The following OR5H15 variants were observed in gnomAD, a reference collection of about 807,000 sequenced individuals.
The protein encoded by OR5H15 is olfactory receptor 5H15.
For synonymous variants in OR5H15, 153 were observed against 129.1 expected (o/e 1.19, Z -1.26); for missense variants, 405 against 366.1 (o/e 1.11, Z -0.87).
rs568812876 is a variant in OR5H15 at position 98,169,744 on chromosome 3, C to A, written c.*103C>A. On this transcript the variant is annotated 3_prime_UTR_variant, in exon 2 of 2. Transcript: ENST00000641450. Reference sequence around the variant, plus strand: ...ATTTTTGCAAGTATAACTGTCCTAGCACTTTAATGACCTAACATTTTAGTA... The same window carrying A: ...ATTTTTGCAAGTATAACTGTCCTAGAACTTTAATGACCTAACATTTTAGTA... 7 of 800,864 alleles carry A rather than the reference C, an allele frequency of 8.7e-6. No individual in the cohort carries two copies. The highest frequency in any genetic ancestry group is 2.0e-5 in the Admixed American group (1 of 49,930). The allele number at this position is 800,864 out of a possible 1,614,324, so 49.6% of individuals were successfully genotyped here.
In OR5H15 at chr3:98,169,459, C is replaced by A. The variant is rs149947733; in HGVS notation, c.760C>A (p.Pro254Thr). Reference protein sequence around the residue: ...HLFSVCLYYGPLLLMYVGPAS... With the variant: ...HLFSVCLYYGTLLLMYVGPAS... ...CTTCTCTGTCTGTTTATACTATGGCCCCCTTCTCTTAATGTATGTGGGCCC... is the reference window on the plus strand; with the variant it reads ...CTTCTCTGTCTGTTTATACTATGGCACCCTTCTCTTAATGTATGTGGGCCC... The change falls in exon 2 of 2, where the codon CCC (proline) becomes ACC (threonine). Residue 254 changes from proline (P) to threonine (T), a missense_variant. Coordinates refer to ENST00000641450, the MANE Select transcript of OR5H15 (RefSeq NM_001005515.2). 2,136 of 1,613,116 alleles carry A rather than the reference C, an allele frequency of 1.3e-3. 9 individuals are homozygous for A. Among genetic ancestry groups the A allele is most frequent in the Non-Finnish European group, 9.0e-4 (1,067 of 1,179,674 alleles).
In OR5H15 at chr3:98,169,383, G is replaced by C. The variant is rs759043060; in HGVS notation, c.684G>C (p.Lys228Asn). Residue 228 changes from lysine to asparagine, a missense_variant, in exon 2 of 2, where the codon AAG becomes AAC. Physicochemically the swap from Lys to Asn is moderately conservative, Grantham distance 94. Coordinates refer to ENST00000641450, the MANE Select transcript of OR5H15 (RefSeq NM_001005515.2). The part of the protein sequence containing the change: ...YTFVLFTVLE[K>N]KSDKGVRKAF... ...TTGTTCTCTTCACAGTCTTAGAAAA[G>C]AAATCTGATAAGGGTGTAAGGAAAG... 8.1e-6 allele frequency: 13 copies of C among 1,613,282 alleles called. No individual in the cohort carries two copies. Among genetic ancestry groups the C allele is most frequent in the Non-Finnish European group, 1.0e-5 (12 of 1,179,630 alleles).
At chr3:98,167,940 A>T (rs1255292980) in intron 1 of OR5H15, among the ~76,000 whole-genome samples, 1 of 152,040 alleles carries the variant, frequency 6.6e-6, no homozygotes, top group Non-Finnish European at 1.5e-5. Flanking sequence ...ATTCCTTAGA[A>T]TCTATTTATT....
At position 98,168,617 on chromosome 3, in the gene OR5H15, T is replaced by G. The variant is rs574032968; in HGVS notation, c.-18-65T>G. On this transcript the variant is annotated intron_variant, in intron 1 of 1. Transcript: ENST00000641450. The stretch of plus-strand genomic sequence containing the variant: ...ATTTTAGGGTTTATTTCAACATCTC[T>G]TCCCCAATTTCAACTCATAATGTCA... 3.2e-6 allele frequency: 5 copies of G among 1,547,614 alleles called. No homozygotes were observed. The Admixed American group carries it at 5.5e-5, about 17-fold the overall frequency.
At chr3:98,168,443 G>C (rs1261561257) in intron 1 of OR5H15, among the ~76,000 whole-genome samples, 3 of 151,986 alleles carry the variant, frequency 2.0e-5, no homozygotes, top group Non-Finnish European at 2.9e-5. Context: ...TATAAATGTA[G>C]TGTATACAGA....
In OR5H15 at chr3:98,168,086, C is replaced by T. The variant is rs79237346; in HGVS notation, c.-18-596C>T. 2.2e-3 allele frequency among the ~76,000 whole-genome samples: 329 copies of T among 152,118 alleles called. 6 individuals are homozygous for T. The East Asian group carries it at 0.056, about 26-fold the overall frequency. ...AAATAATTTCTACATTGAAAGCTCA[C>T]AACCTATATTTTTCATGAACACTCT... On this transcript the variant is annotated intron_variant, in intron 1 of 1. Coordinates refer to ENST00000641450, the MANE Select transcript of OR5H15 (RefSeq NM_001005515.2).
In OR5H15 at chr3:98,169,030, G is replaced by T. The variant is rs149765840; in HGVS notation, c.331G>T (p.Glu111Ter). 4 of 1,613,638 alleles carry T rather than the reference G, an allele frequency of 2.5e-6. No individual in the cohort carries two copies. In the African/African-American group the frequency reaches 4.0e-5, roughly 16 times the overall value. Residue 111 changes from glutamate (E) to a stop codon, truncating the protein, a stop_gained, in exon 2 of 2, where the codon GAA becomes TAA. Coordinates refer to ENST00000641450, the MANE Select transcript of OR5H15 (RefSeq NM_001005515.2). LOFTEE classifies it low-confidence loss of function (END_TRUNC). ...TTCCATTGCAATTGGCGTAACCACA[G>T]AATGTTTTCTCTTGGCAACAATGGC... The part of the protein sequence containing the change: ...FFSIAIGVTT[E>*]CFLLATMAYD...
intron 1 of OR5H15, 84 bp from the exon 2 acceptor site, chr3:98,168,598 G>A (rs1708753194): frequency 1.4e-5 from 21 of 1,454,320 alleles, no homozygotes; most frequent in Non-Finnish European, 1.9e-5. Context: ...GATCATTTTA[G>A]GGTTTATTTC....
At chr3:98,167,233 C>T (rs1011446228) in intron 1 of OR5H15, among the ~76,000 whole-genome samples, 2 of 152,118 alleles carry the variant, frequency 1.3e-5, no homozygotes, top group African/African-American at 2.4e-5. Context: ...CAGTCACTTA[C>T]ATATGAACTC....
At position 98,169,545 on chromosome 3, in the gene OR5H15, T is replaced by A; in HGVS notation, c.846T>A (p.Ile282=). 6.2e-7 allele frequency: 1 copy of A among 1,612,906 alleles called. No individual in the cohort carries two copies. Among genetic ancestry groups the A allele is most frequent in the South Asian group, 1.1e-5 (1 of 91,044 alleles). The part of the protein sequence containing the change: ...MVEPLFYTVI[I]PLLNPIIYSL... ...AGCCTCTATTCTACACTGTCATCATTCCTTTGTTAAATCCTATCATCTACA... is the reference window on the plus strand; with the variant it reads ...AGCCTCTATTCTACACTGTCATCATACCTTTGTTAAATCCTATCATCTACA... Residue 282 remains isoleucine (I), a synonymous_variant, in exon 2 of 2, where the codon ATT becomes ATA. Transcript: ENST00000641450.
At position 98,169,416 on chromosome 3, in the gene OR5H15, C is replaced by G. The variant is rs371415773; in HGVS notation, c.717C>G (p.Ser239=). Residue 239 remains serine, a synonymous_variant, in exon 2 of 2, where the codon TCC becomes TCG. Coordinates refer to ENST00000641450, the MANE Select transcript of OR5H15 (RefSeq NM_001005515.2). ...KSDKGVRKAF[S]TCGAHLFSVC... is the part of the protein sequence containing the mutation. Reference sequence around the variant, plus strand: ...ATAAGGGTGTAAGGAAAGCCTTTTCCACCTGTGGAGCCCATCTCTTCTCTG... The same window carrying G: ...ATAAGGGTGTAAGGAAAGCCTTTTCGACCTGTGGAGCCCATCTCTTCTCTG... 8 of 1,613,554 alleles carry G rather than the reference C, an allele frequency of 5.0e-6. No individual in the cohort carries two copies. The South Asian group carries it at 8.8e-5, about 18-fold the overall frequency.
chr3:98,167,658 A>G (rs78008643), intron 1 of OR5H15, among the ~76,000 whole-genome samples: 4,489 of 152,022 alleles, frequency 0.03, 213 homozygotes, highest in African/African-American at 0.097. Flanking sequence ...TTGTTTCTTC[A>G]TTACTCTCCA....
chr3:98,167,917 C>G (rs1708741917), intron 1 of OR5H15, among the ~76,000 whole-genome samples: 1 of 152,094 alleles, frequency 6.6e-6, no homozygotes, highest in Non-Finnish European at 1.5e-5. Context: ...ATACTAGAGA[C>G]TCTACATTCT....
In OR5H15 at chr3:98,168,025, T is replaced by C. The variant is rs200099804; in HGVS notation, c.-18-657T>C. Among the ~76,000 whole-genome samples, 8 of 152,164 alleles carry C rather than the reference T, an allele frequency of 5.3e-5. No individual in the cohort carries two copies. The East Asian group carries it at 1.5e-3, about 29-fold the overall frequency. On this transcript the variant is annotated intron_variant, in intron 1 of 1. Transcript: ENST00000641450. ...ACATGCATTTGAATCACCTGGAGGG[T>C]ATTTTCAAAATGCAGATCCCTAGAC...
chr3:98,167,679 C>A (rs1436909669), intron 1 of OR5H15, among the ~76,000 whole-genome samples: 1 of 152,020 alleles, frequency 6.6e-6, no homozygotes, highest in Non-Finnish European at 1.5e-5. Context: ...ATGGATAGAT[C>A]ATTTTTAACT....
rs370153970 is a variant in OR5H15 at position 98,168,756 on chromosome 3, T to C, written c.57T>C (p.Tyr19=). The C allele has an allele frequency of 8.7e-6, 14 of 1,613,328 alleles. No individual in the cohort carries two copies. Among genetic ancestry groups the C allele is most frequent in the Non-Finnish European group, 1.2e-5 (14 of 1,179,534 alleles). The stretch of plus-strand genomic sequence containing the variant: ...AGTTTGTTCTCACAGGATTTTTATA[T>C]CAACCACAGTGGAAAATACCCCTGT... ...LTEFVLTGFL[Y]QPQWKIPLFL... is the part of the protein sequence containing the mutation. The change falls in exon 2 of 2, where the codon TAT becomes TAC. Residue 19 remains tyrosine, a synonymous_variant. Transcript: ENST00000641450.
In OR5H15 at chr3:98,169,457, GCCC is replaced by G. The variant is rs764763968; in HGVS notation, c.761_763del (p.Pro254del). 1 of 1,613,200 alleles carries G rather than the reference GCCC, an allele frequency of 6.2e-7. No homozygotes were observed. Among genetic ancestry groups the G allele is most frequent in the Non-Finnish European group, 8.5e-7 (1 of 1,179,670 alleles). On this transcript the variant is annotated inframe_deletion, in exon 2 of 2. Coordinates refer to ENST00000641450, the MANE Select transcript of OR5H15 (RefSeq NM_001005515.2). ...CTCTTCTCTGTCTGTTTATACTATGGCCCCCTTCTCTTAATGTATGTGGGCCCT... is the reference window on the plus strand; with the variant it reads ...CTCTTCTCTGTCTGTTTATACTATGGCCTTCTCTTAATGTATGTGGGCCCT...
intron 1 of OR5H15, among the ~76,000 whole-genome samples, chr3:98,167,035 T>C (rs4463009): frequency 0.62 from 93,724 of 151,866 alleles, 29,993 homozygotes; most frequent in African/African-American, 0.8. Flanking sequence ...TGAATTATTC[T>C]TTTAATATTT....
In OR5H15 at chr3:98,169,668, T is replaced by C. The variant is rs753647065; in HGVS notation, c.*27T>C. 1 of 1,510,584 alleles carries C rather than the reference T, an allele frequency of 6.6e-7. No homozygotes were observed. Among genetic ancestry groups the C allele is most frequent in the Admixed American group, 1.7e-5 (1 of 57,256 alleles). The allele number at this position is 1,510,584 out of a possible 1,614,324, so 93.6% of individuals were successfully genotyped here. A position where few individuals can be genotyped will look rare whatever the true frequency, so the allele number is the denominator to read the frequency against. ...ATCCTTTTTCTATTTACTAAAATAG[T>C]CACAAAATTACGCAAGTTAGAGGTA... On this transcript the variant is annotated 3_prime_UTR_variant, in exon 2 of 2. Transcript: ENST00000641450.
Sources: allele counts gnomAD v4.1 joint callset (sites outside exome capture counted in the v4.1 genomes callset), GRCh38; gene constraint gnomAD v4.1.1; transcripts MANE v1.5; gene names NCBI Gene and HGNC (gene_info 2026-07-23, HGNC 2026-07-21).